GALNT13: variants seen among roughly 807,000 people sequenced by gnomAD.
GALNT13 encodes UDP-GalNAc:polypeptide N-acetylgalactosaminyltransferase 13.
GALNT13 carries 28 observed loss-of-function variants against 64.2 expected under a neutral mutation model. The ratio of observed to expected loss-of-function variants is 0.44; its 90% CI spans 0.32 to 0.60. The LOEUF is 0.60. GALNT13 is among the 20% of genes least tolerant of loss of function. GALNT13 has a pLI of 0.05. For synonymous variants in GALNT13, 214 were observed against 224.6 expected (o/e 0.95, Z 0.42); for missense variants, 577 against 669.8 (o/e 0.86, Z 1.53).
intron 9 of GALNT13, among the ~76,000 whole-genome samples, chr2:154,351,331 A>G (rs1468976344): frequency 6.6e-6 from 1 of 152,116 alleles, no homozygotes; most frequent in African/African-American, 2.4e-5. Flanking sequence ...TTCTTCTTGC[A>G]TCTTGTTGAT....
the GALNT13 span, among the ~76,000 whole-genome samples, chr2:153,669,387 G>A: frequency 6.6e-6 from 1 of 152,156 alleles, no homozygotes; most frequent in Admixed American, 6.5e-5. Context: ...CATCCACACT[G>A]CTGTCTATTG....
chr2:154,385,050 G>A (rs1026173795), intron 9 of GALNT13, among the ~76,000 whole-genome samples: 1 of 151,886 alleles, frequency 6.6e-6, no homozygotes, highest in Non-Finnish European at 1.5e-5. Context: ...CTCACCAACA[G>A]CAATGGTAAG....
intron 9 of GALNT13, among the ~76,000 whole-genome samples, chr2:154,315,565 G>A (rs1694275128): frequency 6.6e-6 from 1 of 152,078 alleles, no homozygotes; most frequent in African/African-American, 2.4e-5. Context: ...TGGTGTGAAA[G>A]GTCTACTTAA....
intron 9 of GALNT13, among the ~76,000 whole-genome samples, chr2:154,347,466 T>G (rs142007932): frequency 1.1e-4 from 17 of 152,288 alleles, no homozygotes; most frequent in African/African-American, 3.8e-4. Flanking sequence ...TTTTTCTTTA[T>G]TTTGTAAATT....
At chr2:154,252,724 AAGATAGATAGATAGAT>A (rs70983713) in intron 7 of GALNT13, among the ~76,000 whole-genome samples, 4,053 of 146,834 alleles carry the variant, frequency 0.028, 86 homozygotes, top group Non-Finnish European at 0.038. Context: ...CGAATGGAAA[AAGATAGATAGATAGAT>A]AGATAGATAG....
the GALNT13 span, among the ~76,000 whole-genome samples, chr2:153,635,417 C>CACATATATATATATATATATAT: frequency 7.7e-6 from 1 of 129,624 alleles, no homozygotes; most frequent in Non-Finnish European, 1.7e-5. Context: ...TATATATATA[C>CACATATATATATATATATATAT]ACATATATAT....
intron 4 of GALNT13, among the ~76,000 whole-genome samples, chr2:154,205,018 AATGGGTGG>A (rs1322060184): frequency 6.6e-6 from 1 of 152,162 alleles, no homozygotes; most frequent in African/African-American, 2.4e-5. Flanking sequence ...GTGATGGATG[AATGGGTGG>A]ATGGGTGGAT....
chr2:153,269,829 A>T, the GALNT13 span, among the ~76,000 whole-genome samples: 1 of 152,144 alleles, frequency 6.6e-6, no homozygotes, highest in Admixed American at 6.5e-5. Context: ...GGCAGGAAAG[A>T]GAGAGAGGGA....
At chr2:153,416,744 C>T in the GALNT13 span, among the ~76,000 whole-genome samples, 3 of 152,146 alleles carry the variant, frequency 2.0e-5, no homozygotes, top group African/African-American at 4.8e-5. Context: ...GTGCCAGATA[C>T]TCCTCTATGT....
chr2:154,292,731 G>C (rs545351596), intron 8 of GALNT13, among the ~76,000 whole-genome samples: 1 of 152,300 alleles, frequency 6.6e-6, no homozygotes, highest in Admixed American at 6.5e-5. Context: ...GCCAGAGGTA[G>C]TATGTTTATG....
chr2:153,820,693 C>T, the GALNT13 span, among the ~76,000 whole-genome samples: 26 of 152,194 alleles, frequency 1.7e-4, no homozygotes, highest in African/African-American at 5.8e-4. Context: ...CTACACCAGC[C>T]TTACAAGAAA....
chr2:153,237,625 C>A, the GALNT13 span, among the ~76,000 whole-genome samples: 1 of 151,962 alleles, frequency 6.6e-6, no homozygotes, highest in African/African-American at 2.4e-5. Context: ...TAATGACCTC[C>A]ACTTCCATCC....
At chr2:154,248,797 C>T (rs949297585) in intron 7 of GALNT13, among the ~76,000 whole-genome samples, 1 of 152,122 alleles carries the variant, frequency 6.6e-6, no homozygotes, top group Non-Finnish European at 1.5e-5. Context: ...AAATTATGTT[C>T]CTGACACTGA....
the GALNT13 span, among the ~76,000 whole-genome samples, chr2:153,239,270 A>G: frequency 6.6e-6 from 1 of 152,112 alleles, no homozygotes; most frequent in East Asian, 1.9e-4. Flanking sequence ...ATAAGAACCC[A>G]TCATCTGCAG....
intron 9 of GALNT13, among the ~76,000 whole-genome samples, chr2:154,317,309 T>C (rs2105149600): frequency 6.6e-6 from 1 of 151,432 alleles, no homozygotes; most frequent in East Asian, 1.9e-4. Flanking sequence ...GATAAGAAAA[T>C]AGATACAATT....
chr2:154,396,705 A>G (rs1247888131), intron 10 of GALNT13, among the ~76,000 whole-genome samples: 1 of 152,070 alleles, frequency 6.6e-6, no homozygotes, highest in East Asian at 1.9e-4. Flanking sequence ...AAGGCAGTCT[A>G]TTACAATAGC....
intron 9 of GALNT13, among the ~76,000 whole-genome samples, chr2:154,340,999 A>G (rs74447938): frequency 0.017 from 2,647 of 152,154 alleles, 76 homozygotes; most frequent in African/African-American, 0.06. Context: ...TTCATATATA[A>G]TACATAGATA....
At chr2:153,321,940 A>G in the GALNT13 span, among the ~76,000 whole-genome samples, 1 of 151,734 alleles carries the variant, frequency 6.6e-6, no homozygotes, top group Non-Finnish European at 1.5e-5. Context: ...GAAGTGGTAC[A>G]TAGAGATGTT....
the GALNT13 span, among the ~76,000 whole-genome samples, chr2:153,486,274 T>TA: frequency 1.3e-5 from 2 of 152,232 alleles, no homozygotes; most frequent in African/African-American, 4.8e-5. Flanking sequence ...TTTAAGCTTC[T>TA]AAAATGTAGA....
Sources: allele counts gnomAD v4.1 joint callset (sites outside exome capture counted in the v4.1 genomes callset), GRCh38; gene constraint gnomAD v4.1.1; transcripts MANE v1.5; gene names NCBI Gene and HGNC (gene_info 2026-07-23, HGNC 2026-07-21).